Variants in UNC13C observed in about 807,000 individuals in gnomAD.
UNC13C encodes the protein protein unc-13 homolog C.
Under a neutral mutation model 245.4 loss-of-function variants are expected in UNC13C, and 174 were observed. The ratio of observed to expected loss-of-function variants is 0.71; its 90% CI spans 0.63 to 0.80. The LOEUF (loss-of-function observed/expected upper bound fraction) is 0.80. Ranked by LOEUF, UNC13C falls within the 30% of genes least tolerant of loss-of-function variation. The pLI is 0.00. For synonymous variants in UNC13C, 992 were observed against 895.1 expected (o/e 1.11, Z -1.93); for missense variants, 2,829 against 2,602.9 (o/e 1.09, Z -1.89).
At chr15:54,156,011 G>A (rs1326208446) in intron 4 of UNC13C, among the ~76,000 whole-genome samples, 3 of 152,146 alleles carry the variant, frequency 2.0e-5, no homozygotes, top group Non-Finnish European at 4.4e-5. Flanking sequence ...ATTAACCTTT[G>A]AATAACATAT....
intron 17 of UNC13C, among the ~76,000 whole-genome samples, chr15:54,353,128 C>T (rs2039020715): frequency 6.6e-6 from 1 of 152,010 alleles, no homozygotes; most frequent in Admixed American, 6.5e-5. Flanking sequence ...GTGTACCAAA[C>T]ACTAAGAATA....
At chr15:54,112,808 G>A (rs2029911244) in intron 2 of UNC13C, among the ~76,000 whole-genome samples, 1 of 152,128 alleles carries the variant, frequency 6.6e-6, no homozygotes. Context: ...TCTCTGCTCA[G>A]AGCCAACCCA....
chr15:54,459,147 C>T (rs909740540), intron 19 of UNC13C, among the ~76,000 whole-genome samples: 2 of 152,064 alleles, frequency 1.3e-5, no homozygotes, highest in African/African-American at 2.4e-5. Flanking sequence ...CCTTCATTTA[C>T]GAAGCTTAGT....
chr15:53,840,026 A>T, the UNC13C span, among the ~76,000 whole-genome samples: 18 of 152,096 alleles, frequency 1.2e-4, no homozygotes, highest in African/African-American at 4.3e-4. Flanking sequence ...AAAAACTGCT[A>T]ATATTTCCAG....
chr15:54,616,579 TA>T (rs573338452), intron 30 of UNC13C, among the ~76,000 whole-genome samples: 1 of 151,568 alleles, frequency 6.6e-6, no homozygotes, highest in Non-Finnish European at 1.5e-5. Context: ...AGCTTTTAAG[TA>T]AAAAAAAGTC....
intron 30 of UNC13C, among the ~76,000 whole-genome samples, chr15:54,601,404 A>G (rs1034810013): frequency 2.0e-5 from 3 of 152,180 alleles, no homozygotes; most frequent in African/African-American, 7.2e-5. Context: ...TTAGAGGAGA[A>G]GGAGAGCACT....
chr15:54,508,460 T>A (rs1339149240), intron 23 of UNC13C, among the ~76,000 whole-genome samples: 1 of 152,140 alleles, frequency 6.6e-6, no homozygotes, highest in South Asian at 2.1e-4. Context: ...TAACCCAGTA[T>A]TTATTATATT....
chr15:54,331,178 G>T (rs1165107242), intron 14 of UNC13C, among the ~76,000 whole-genome samples: 1 of 151,996 alleles, frequency 6.6e-6, no homozygotes, highest in Non-Finnish European at 1.5e-5. Context: ...GAATATTAAT[G>T]TTGGCAGGGG....
chr15:53,944,687 A>T, the UNC13C span, among the ~76,000 whole-genome samples: 114 of 152,260 alleles, frequency 7.5e-4, no homozygotes, highest in African/African-American at 2.6e-3. Context: ...ATTTTGGTTT[A>T]TTCCATGTAT....
At chr15:54,155,974 G>A (rs1211582078) in intron 4 of UNC13C, among the ~76,000 whole-genome samples, 1 of 152,196 alleles carries the variant, frequency 6.6e-6, no homozygotes. Context: ...TTGAAAGTTT[G>A]AATGCCTGAC....
chr15:53,969,705 A>T, the UNC13C span, among the ~76,000 whole-genome samples: 1 of 149,532 alleles, frequency 6.7e-6, no homozygotes, highest in African/African-American at 2.5e-5. Flanking sequence ...AAAAAAAAAA[A>T]TCGAACGAAC....
chr15:53,890,419 G>A, the UNC13C span, among the ~76,000 whole-genome samples: 1 of 152,186 alleles, frequency 6.6e-6, no homozygotes, highest in Non-Finnish European at 1.5e-5. Flanking sequence ...GGGATTACAG[G>A]CATGAGCCAC....
intron 19 of UNC13C, among the ~76,000 whole-genome samples, chr15:54,425,818 T>A (rs2140967393): frequency 6.6e-6 from 1 of 151,938 alleles, no homozygotes; most frequent in Non-Finnish European, 1.5e-5. Flanking sequence ...AAATATATCA[T>A]CTTAGAGAAT....
chr15:54,282,892 C>T (rs1021913044), intron 10 of UNC13C, among the ~76,000 whole-genome samples: 8 of 152,232 alleles, frequency 5.3e-5, no homozygotes, highest in East Asian at 3.9e-4. Context: ...AAGGTCAGGC[C>T]GTCTCTCCTC....
chr15:54,244,640 A>T (rs2035945000), intron 7 of UNC13C, among the ~76,000 whole-genome samples: 1 of 151,982 alleles, frequency 6.6e-6, no homozygotes, highest in Non-Finnish European at 1.5e-5. Flanking sequence ...TTCCTCTCTA[A>T]TTTCCTTGAG....
At chr15:54,001,023 G>T (rs996375594) in intron 1 of UNC13C, among the ~76,000 whole-genome samples, 5 of 152,136 alleles carry the variant, frequency 3.3e-5, no homozygotes, top group Non-Finnish European at 7.4e-5. Context: ...TCTTAGGAGG[G>T]TAATAGATTT....
intron 2 of UNC13C, among the ~76,000 whole-genome samples, chr15:54,080,751 A>G (rs1898897694): frequency 6.6e-6 from 1 of 151,786 alleles, no homozygotes; most frequent in Non-Finnish European, 1.5e-5. Context: ...AGTTTTGTTT[A>G]TCCTTTCAAA....
chr15:54,599,538 C>T lies in UNC13C; in HGVS notation c.6107-22789C>T, dbSNP rs775170498. 1.4e-4 allele frequency among the ~76,000 whole-genome samples: 22 copies of T among 151,888 alleles called. 1 individual carries two copies. Among genetic ancestry groups the T allele is most frequent in the South Asian group, 6.2e-4 (3 of 4,818 alleles). ...ACTCCAGTAAGACTATCCAAGTTTCCGAAAGTAAGATTTTTCCAACGATAT... is the reference window on the plus strand; with the variant it reads ...ACTCCAGTAAGACTATCCAAGTTTCTGAAAGTAAGATTTTTCCAACGATAT... On this transcript the variant is annotated intron_variant, in intron 30 of 32. Transcript: ENST00000260323.
chr15:54,290,896 C>G (rs1201891638), intron 10 of UNC13C, among the ~76,000 whole-genome samples: 1 of 152,000 alleles, frequency 6.6e-6, no homozygotes, highest in Non-Finnish European at 1.5e-5. Flanking sequence ...CCAGGGCTTA[C>G]ATAAACTCTG....
Sources: gnomAD v4.1 joint callset for allele counts (sites outside exome capture counted in the v4.1 genomes callset) on GRCh38, gnomAD v4.1.1 for gene constraint, MANE v1.5 for transcripts, NCBI Gene and HGNC (gene_info 2026-07-23, HGNC 2026-07-21) for gene names.